CEMIP2: variants seen among roughly 807,000 people sequenced by gnomAD.
CEMIP2 encodes the protein cell surface hyaluronidase CEMIP2.
In CEMIP2, 79 loss-of-function variants were observed where a neutral mutation model predicts 146.9. The observed-to-expected ratio is 0.54, with a 90% CI of 0.45 to 0.65. The LOEUF is 0.65. Ranked by LOEUF, CEMIP2 falls within the 30% of genes least tolerant of loss-of-function variation. The probability of loss-of-function intolerance (pLI) is 0.00; values close to 1 mark genes in which losing one functional copy is unlikely to be tolerated. For synonymous variants in CEMIP2, 601 were observed against 606.3 expected, an observed-to-expected ratio of 0.99 and a Z score of 0.13; for missense variants, 1,596 against 1,696.2, an observed-to-expected ratio of 0.94 and a Z score of 1.04.
In CEMIP2 at chr9:71,732,380, C is replaced by CA. The variant is rs745501934; in HGVS notation, c.1533dup (p.Asp512Ter). ...ATGTGTCCCCCAAAGGTATCATAATCAAAAAATTGGCACTGATTTTCTGCG... is the reference window on the plus strand; with the variant it reads ...ATGTGTCCCCCAAAGGTATCATAATCAAAAAAATTGGCACTGATTTTCTGCG... On this transcript the variant is annotated frameshift_variant, in exon 7 of 24. Transcript: ENST00000377044. LOFTEE classifies it high-confidence loss of function. 1 of 1,612,508 alleles carries CA rather than the reference C, an allele frequency of 6.2e-7. No homozygotes were observed. The highest frequency in any genetic ancestry group is 8.5e-7 in the Non-Finnish European group (1 of 1,179,630).
At chr9:71,710,635 G>A (rs553824183) in intron 16 of CEMIP2, among the ~76,000 whole-genome samples, 3 of 152,212 alleles carry the variant, frequency 2.0e-5, no homozygotes, top group Non-Finnish European at 4.4e-5. Flanking sequence ...AACAAATGCA[G>A]TATCTAACAA....
intron 3 of CEMIP2, 53 bp downstream of exon 3, chr9:71,746,148 C>A (rs1824079993): frequency 1.3e-6 from 2 of 1,580,348 alleles, no homozygotes; most frequent in East Asian, 4.5e-5. Context: ...ATCAAATATC[C>A]CCCACATTAA....
chr9:71,704,310 G>T (rs1822663916), intron 18 of CEMIP2: 1 of 382,468 alleles, frequency 2.6e-6, no homozygotes, highest in South Asian at 2.9e-5. Context: ...TCCCATCCCA[G>T]CTAGAGGGAA....
At chr9:71,737,283 T>C (rs967970933) in intron 5 of CEMIP2, among the ~76,000 whole-genome samples, 3 of 151,188 alleles carry the variant, frequency 2.0e-5, no homozygotes, top group Non-Finnish European at 4.4e-5. Flanking sequence ...TGAAACCCCG[T>C]CTCTACTAAA....
chr9:71,707,346 AT>A (rs1822775525), intron 17 of CEMIP2, among the ~76,000 whole-genome samples: 1 of 149,010 alleles, frequency 6.7e-6, no homozygotes, highest in Non-Finnish European at 1.5e-5. Flanking sequence ...TTTTTTTAGT[AT>A]TTTTTATTTT....
intron 4 of CEMIP2, among the ~76,000 whole-genome samples, chr9:71,744,011 A>C (rs948020320): frequency 6.6e-6 from 1 of 152,216 alleles, no homozygotes; most frequent in Non-Finnish European, 1.5e-5. Flanking sequence ...TCTGTCTTTT[A>C]AATGAAATGT....
chr9:71,725,148 T>C (rs1328275994), intron 11 of CEMIP2, among the ~76,000 whole-genome samples: 2 of 152,180 alleles, frequency 1.3e-5, no homozygotes, highest in Non-Finnish European at 2.9e-5. Flanking sequence ...CTACCAAAAA[T>C]TGACATTTCT....
At chr9:71,747,667 GA>G (rs1824127137) in intron 2 of CEMIP2, among the ~76,000 whole-genome samples, 1 of 152,090 alleles carries the variant, frequency 6.6e-6, no homozygotes, top group Middle Eastern at 3.4e-3. Context: ...AATAACAAGA[GA>G]AAAAGTAGAG....
At chr9:71,750,449 A>G in intron 1 of CEMIP2, 64 bp from the exon 2 acceptor site, 1 of 1,205,442 alleles carries the variant, frequency 8.3e-7, no homozygotes, top group South Asian at 1.7e-5. Context: ...TCTTTTATTT[A>G]TTTATTTATG....
At chr9:71,743,709 C>T (rs143049246) in intron 4 of CEMIP2, among the ~76,000 whole-genome samples, 232 of 152,296 alleles carry the variant, frequency 1.5e-3, no homozygotes, top group African/African-American at 5.3e-3. Flanking sequence ...GGCTCTGAGA[C>T]AGTGTCCTTT....
intron 1 of CEMIP2, among the ~76,000 whole-genome samples, chr9:71,759,228 C>T (rs563144736): frequency 3.3e-5 from 5 of 152,186 alleles, no homozygotes; most frequent in African/African-American, 1.2e-4. Context: ...CCAAGTTAAG[C>T]TATTGTTATA....
At chr9:71,704,875 AAAGTC>A (rs1822690075) in intron 17 of CEMIP2, 72 bp from the exon 18 acceptor site, 1 of 1,430,188 alleles carries the variant, frequency 7.0e-7, no homozygotes, top group Middle Eastern at 1.8e-4. Flanking sequence ...TTTTCAGCAC[AAAGTC>A]AAGTGTCTCA....
Position 71,750,114 on chromosome 9 carries a change from G to A in CEMIP2, c.260C>T (p.Ala87Val). 1.2e-6 allele frequency: 2 copies of A among 1,613,744 alleles called. No homozygotes were observed. The highest frequency in any genetic ancestry group is 2.2e-5 in the East Asian group (1 of 44,728). Residue 87 changes from alanine (A) to valine (V), a missense_variant, in exon 2 of 24, where the codon GCT (alanine) becomes GTT (valine). Physicochemically the swap from Ala to Val is moderately conservative, Grantham distance 64. Transcript: ENST00000377044. ...KRHKNTFICF[A>V]ITSFSFFIAL... ...AATAAAAAATGAGAAACTAGTAATA[G>A]CAAAACAAATGAAAGTATTTTTGTG...
At chr9:71,706,757 C>T (rs1052829892) in intron 17 of CEMIP2, among the ~76,000 whole-genome samples, 4 of 152,264 alleles carry the variant, frequency 2.6e-5, no homozygotes, top group Non-Finnish European at 5.9e-5. Context: ...TGCATGAATA[C>T]TCATGGCTGG....
chr9:71,722,664 A>AAC (rs1388970379), intron 11 of CEMIP2, 149 bp from the exon 12 acceptor site: 1 of 577,764 alleles, frequency 1.7e-6, no homozygotes, highest in African/African-American at 1.9e-5. Context: ...TAAAAAAAAA[A>AAC]AAAACAGCTA....
At chr9:71,711,191 C>G (rs1460498806) in intron 16 of CEMIP2, among the ~76,000 whole-genome samples, 1 of 152,074 alleles carries the variant, frequency 6.6e-6, no homozygotes, top group African/African-American at 2.4e-5. Flanking sequence ...TTCCTGTGGG[C>G]TACTGTACTG....
At chr9:71,692,360 C>T (rs1424778236) in intron 21 of CEMIP2, among the ~76,000 whole-genome samples, 1 of 95,260 alleles carries the variant, frequency 1.0e-5, no homozygotes, top group African/African-American at 8.8e-5. Context: ...CTCTCTCTAC[C>T]CCCCATCTCT....
At position 71,730,156 on chromosome 9, in the gene CEMIP2, A is replaced by C. The variant is rs372237259; in HGVS notation, c.1871T>G (p.Leu624Arg). The C allele has an allele frequency of 1.1e-5, 17 of 1,614,180 alleles. No individual in the cohort carries two copies. The highest frequency in any genetic ancestry group is 7.7e-5 in the South Asian group (7 of 91,074). ...RNTLFHNLGL[L>R]TKPGTLLPTD... The stretch of plus-strand genomic sequence containing the variant: ...GGGCAGGAGAGTACCCGGCTTGGTG[A>C]GGAGTCCCAGATTGTGGAACAAAGT... Residue 624 changes from leucine (L) to arginine (R), a missense_variant, in exon 9 of 24, where the codon CTC (leucine) becomes CGC (arginine). Physicochemically the swap from Leu to Arg is moderately radical, Grantham distance 102. Coordinates refer to ENST00000377044, the MANE Select transcript of CEMIP2 (RefSeq NM_013390.3).
At chr9:71,705,402 C>T (rs1321363956) in intron 17 of CEMIP2, among the ~76,000 whole-genome samples, 4 of 151,964 alleles carry the variant, frequency 2.6e-5, no homozygotes, top group Non-Finnish European at 5.9e-5. Flanking sequence ...ACTTGCCATG[C>T]CAAAACAAAG....
Sources: allele counts gnomAD v4.1 joint callset (sites outside exome capture counted in the v4.1 genomes callset), GRCh38; gene constraint gnomAD v4.1.1; transcripts MANE v1.5; gene names NCBI Gene and HGNC (gene_info 2026-07-23, HGNC 2026-07-21).